Variants in EEFSEC observed in about 807,000 individuals in gnomAD.
The protein encoded by EEFSEC is eukaryotic elongation factor, selenocysteine-tRNA specific.
In EEFSEC, 43 loss-of-function variants were observed where a neutral mutation model predicts 42.1. The observed-to-expected ratio is 1.02, with a 90% CI of 0.80 to 1.32. EEFSEC has a LOEUF of 1.32. Among genes scored for constraint, EEFSEC ranks in the 40% most tolerant of loss-of-function variants. The pLI, the probability that EEFSEC is intolerant of heterozygous loss-of-function variation, is 0.00. For synonymous variants in EEFSEC, 354 were observed against 339.1 expected, an observed-to-expected ratio of 1.04 and a Z score of -0.48; for missense variants, 745 against 803.6, an observed-to-expected ratio of 0.93 and a Z score of 0.88.
intron 1 of EEFSEC, among the ~76,000 whole-genome samples, chr3:128,213,411 A>G (rs991494712): frequency 1.3e-5 from 2 of 152,176 alleles, no homozygotes; most frequent in African/African-American, 4.8e-5. Flanking sequence ...CTTAATCTCT[A>G]TGAGCCTGTT....
chr3:128,281,626 T>C (rs1312033537), intron 4 of EEFSEC, among the ~76,000 whole-genome samples: 1 of 152,096 alleles, frequency 6.6e-6, no homozygotes, highest in Non-Finnish European at 1.5e-5. Flanking sequence ...GGATGGGGTT[T>C]GGCTGGGTCT....
chr3:128,195,165 AT>A (rs2065571650), intron 1 of EEFSEC, among the ~76,000 whole-genome samples: 1 of 152,116 alleles, frequency 6.6e-6, no homozygotes, highest in Non-Finnish European at 1.5e-5. Context: ...GTCTGAACTC[AT>A]TTTCAAATTT....
chr3:128,418,672 AG>A, the EEFSEC span, among the ~76,000 whole-genome samples: 1 of 145,964 alleles, frequency 6.9e-6, no homozygotes, highest in Non-Finnish European at 1.5e-5. Context: ...AACTTTGCCC[AG>A]CACCCTTGAC....
intron 1 of EEFSEC, among the ~76,000 whole-genome samples, chr3:128,221,135 A>G (rs983137018): frequency 1.3e-5 from 2 of 152,210 alleles, no homozygotes; most frequent in African/African-American, 4.8e-5. Flanking sequence ...CTTCCAGTTA[A>G]CATGGTGGGC....
At chr3:128,232,827 G>A (rs1410480001) in intron 1 of EEFSEC, among the ~76,000 whole-genome samples, 2 of 152,210 alleles carry the variant, frequency 1.3e-5, no homozygotes, top group East Asian at 3.9e-4. Context: ...TGGGAGCCCT[G>A]TGGCCCTACA....
chr3:128,282,599 G>C (rs1204859456), intron 4 of EEFSEC, among the ~76,000 whole-genome samples: 1 of 152,208 alleles, frequency 6.6e-6, no homozygotes. Flanking sequence ...CTCATCGTGA[G>C]CCCTAGAGTG....
chr3:128,419,792 G>A, the EEFSEC span, among the ~76,000 whole-genome samples: 1 of 152,168 alleles, frequency 6.6e-6, no homozygotes, highest in Non-Finnish European at 1.5e-5. Context: ...GCCCTGTGTG[G>A]TGAGGCCCCG....
Position 128,333,920 on chromosome 3 carries a change from C to G in EEFSEC, c.787-7313C>G, listed in dbSNP as rs2067161536. On this transcript the variant is annotated intron_variant, in intron 4 of 6. Coordinates refer to ENST00000254730, the MANE Select transcript of EEFSEC (RefSeq NM_021937.5). ...GTATCGAGCTCATCGGGCCTGGGAG[C>G]AGTCAGAAGGGGGTGTTCATTTGTT... 2.0e-5 allele frequency among the ~76,000 whole-genome samples: 3 copies of G among 152,200 alleles called. No homozygotes were observed. In the South Asian group the frequency reaches 6.2e-4, roughly 31 times the overall value.
chr3:128,248,323 A>G (rs1002823558), intron 2 of EEFSEC, among the ~76,000 whole-genome samples: 3 of 152,206 alleles, frequency 2.0e-5, no homozygotes, highest in Admixed American at 2.0e-4. Context: ...TTTCCCTGTC[A>G]TAAAGATTGA....
rs114411798 is a variant in EEFSEC, at chr3:128,407,911, G to A, written c.1601-158G>A. Among the ~76,000 whole-genome samples the A allele has an allele frequency of 7.4e-3, 1,120 of 152,266 alleles. 15 individuals carry two copies. Among genetic ancestry groups the A allele is most frequent in the African/African-American group, 0.026 (1,066 of 41,542 alleles). On this transcript the variant is annotated intron_variant, in intron 6 of 6. Coordinates refer to ENST00000254730, the MANE Select transcript of EEFSEC (RefSeq NM_021937.5). The stretch of plus-strand genomic sequence containing the variant: ...GCTGTACACCTATCAGATGGGTGCC[G>A]GAGGGACCAAAATGTCAGAATGGAC...
intron 6 of EEFSEC, among the ~76,000 whole-genome samples, chr3:128,391,624 TTC>T (rs1184229557): frequency 6.6e-6 from 1 of 152,218 alleles, no homozygotes; most frequent in Non-Finnish European, 1.5e-5. Context: ...CGATGGGCTC[TTC>T]TCTCTCAGCA....
intron 4 of EEFSEC, among the ~76,000 whole-genome samples, chr3:128,279,712 T>C (rs1395030284): frequency 6.6e-6 from 1 of 152,164 alleles, no homozygotes; most frequent in African/African-American, 2.4e-5. Context: ...CTCCACACAT[T>C]CCCTGTCCCC....
At chr3:128,413,722 C>A in the EEFSEC span, among the ~76,000 whole-genome samples, 3 of 152,160 alleles carry the variant, frequency 2.0e-5, no homozygotes, top group Non-Finnish European at 4.4e-5. Context: ...CCCAGGCTGA[C>A]CTGGCCCTGG....
intron 6 of EEFSEC, among the ~76,000 whole-genome samples, chr3:128,402,282 C>T (rs1290825038): frequency 6.6e-6 from 1 of 152,224 alleles, no homozygotes; most frequent in Non-Finnish European, 1.5e-5. Context: ...AGAATTCTTC[C>T]AAAAATTTTG....
At chr3:128,370,577 G>C (rs1017503799) in intron 6 of EEFSEC, among the ~76,000 whole-genome samples, 9 of 152,202 alleles carry the variant, frequency 5.9e-5, no homozygotes, top group Admixed American at 2.6e-4. Flanking sequence ...GCCAGGGCCT[G>C]TGGAGGGAGG....
intron 1 of EEFSEC, among the ~76,000 whole-genome samples, chr3:128,192,910 G>T (rs969080356): frequency 2.6e-5 from 4 of 152,158 alleles, no homozygotes; most frequent in Admixed American, 1.3e-4. Flanking sequence ...CAGGGCAGGG[G>T]GGCATCTGCT....
chr3:128,220,995 G>A (rs895844862), intron 1 of EEFSEC, among the ~76,000 whole-genome samples: 2 of 152,230 alleles, frequency 1.3e-5, no homozygotes, highest in African/African-American at 2.4e-5. Flanking sequence ...GTTACTCTCA[G>A]TACATTTGGT....
At chr3:128,422,690 G>A in the EEFSEC span, among the ~76,000 whole-genome samples, 1 of 152,236 alleles carries the variant, frequency 6.6e-6, no homozygotes, top group African/African-American at 2.4e-5. Flanking sequence ...GCCAGATCCA[G>A]GCCAGGGACC....
chr3:128,164,384 G>A (rs771103895), intron 1 of EEFSEC, among the ~76,000 whole-genome samples: 20 of 152,216 alleles, frequency 1.3e-4, no homozygotes, highest in Non-Finnish European at 2.8e-4. Context: ...TACCTGCCTG[G>A]GGTGGCAGAT....
Sources: gnomAD v4.1 joint callset for allele counts (sites outside exome capture counted in the v4.1 genomes callset) on GRCh38, gnomAD v4.1.1 for gene constraint, MANE v1.5 for transcripts, NCBI Gene and HGNC (gene_info 2026-07-23, HGNC 2026-07-21) for gene names.